The following RALGDS variants were observed in gnomAD, a reference collection of about 807,000 sequenced individuals.
The protein encoded by RALGDS is ral guanine nucleotide dissociation stimulator, also known as ral guanine nucleotide exchange factor.
In RALGDS, 44 loss-of-function variants were observed where a neutral mutation model predicts 99.8. The ratio of observed to expected loss-of-function variants is 0.44; its 90% CI spans 0.35 to 0.57. The LOEUF is 0.57. Among genes scored for constraint, RALGDS ranks in the 20% least tolerant of loss-of-function variants. The probability of loss-of-function intolerance (pLI) is 0.01; values close to 1 mark genes in which losing one functional copy is unlikely to be tolerated. For synonymous variants in RALGDS, 529 were observed against 505.0 expected (o/e 1.05, Z -0.64); for missense variants, 1,022 against 1,203.1 (o/e 0.85, Z 2.23).
chr9:133,111,407 A>T (rs1831336579), intron 2 of RALGDS, among the ~76,000 whole-genome samples: 1 of 152,108 alleles, frequency 6.6e-6, no homozygotes. Flanking sequence ...CAGCCTCCCA[A>T]GTAGTTGGGA....
At chr9:133,101,898 G>A (rs1271209633) in intron 15 of RALGDS, 40 bp downstream of exon 15, 1 of 1,550,964 alleles carries the variant, frequency 6.4e-7, no homozygotes, top group Non-Finnish European at 8.7e-7. Context: ...TTGGAGTGGG[G>A]AGATGGGAAA....
chr9:133,131,343 C>T (rs948136091), upstream of RALGDS, among the ~76,000 whole-genome samples: 4 of 151,950 alleles, frequency 2.6e-5, no homozygotes, highest in Admixed American at 2.6e-4. Flanking sequence ...TTCAGGGGGG[C>T]CCTGAAACCT....
intron 9 of RALGDS, 106 bp downstream of exon 9, chr9:133,105,825 GC>G: frequency 1.1e-5 from 1 of 87,590 alleles, no homozygotes. Context: ...CGCCGCCCCA[GC>G]CCCCGCCCCA....
chr9:133,121,299 AGGGTGGGGCCGGGGAG>A, upstream of RALGDS: 1 of 296,454 alleles, frequency 3.4e-6, no homozygotes, highest in Middle Eastern at 1.7e-3. Context: ...GGAGGGGAAG[AGGGTGGGGCCGGGGAG>A]GGGCGGAACC....
chr9:133,131,071 C>G, exon 1 of RALGDS: 1 of 1,504,872 alleles, frequency 6.6e-7, no homozygotes, highest in African/African-American at 1.4e-5. Flanking sequence ...GTGGAGTGCC[C>G]CCACAGGCAC....
chr9:133,130,811 A>T, intron 1 of RALGDS: 1 of 782,158 alleles, frequency 1.3e-6, no homozygotes, highest in Non-Finnish European at 2.0e-6. Context: ...TCACAGGAAA[A>T]GTGTCTGTCC....
At chr9:133,108,916 C>T (rs781067830) in intron 4 of RALGDS, 50 bp from the exon 5 acceptor site, 2 of 1,537,298 alleles carry the variant, frequency 1.3e-6, no homozygotes, top group South Asian at 1.1e-5. Context: ...CTCCCCTGAG[C>T]CAGGCTGGGC....
At chr9:133,121,374 G>T (rs921236424), upstream of RALGDS, 64 of 283,926 alleles carry the variant, frequency 2.3e-4, no homozygotes, top group African/African-American at 1.3e-3. Flanking sequence ...CCCCGCCCTC[G>T]CCGAGGTCAG....
chr9:133,106,109 A>G (rs1831039100), intron 8 of RALGDS, 93 bp from the exon 9 acceptor site: 1 of 981,436 alleles, frequency 1.0e-6, no homozygotes, highest in African/African-American at 1.6e-5. Flanking sequence ...GAAAGACCCC[A>G]GACTGCCTGA....
rs1432026984 is a variant in RALGDS, at chr9:133,109,626, TTTTTAAG to T, written c.577_583del (p.Leu193MetfsTer73). ...TCCTCTTGGCTCAAAGCTCACTCACTTTTTAAGTTGGTCCTGGGGTCCACCATCCTCG... is the reference window on the plus strand; with the variant it reads ...TCCTCTTGGCTCAAAGCTCACTCACTTTGGTCCTGGGGTCCACCATCCTCG... On this transcript the variant is annotated frameshift_variant and splice_region_variant, in exon 4 of 18. Coordinates refer to ENST00000372050, the MANE Select transcript of RALGDS (RefSeq NM_006266.4). LOFTEE classifies it high-confidence loss of function. 3.1e-6 allele frequency: 5 copies of T among 1,611,252 alleles called. No individual in the cohort carries two copies. The highest frequency in any genetic ancestry group is 2.5e-6 in the Non-Finnish European group (3 of 1,177,692).
Position 133,108,807 on chromosome 9 carries a change from G to A in RALGDS, c.644C>T (p.Pro215Leu), listed in dbSNP as rs769468048. 1.2e-6 allele frequency: 2 copies of A among 1,613,300 alleles called. No individual in the cohort carries two copies. Among genetic ancestry groups the A allele is most frequent in the African/African-American group, 1.3e-5 (1 of 74,926 alleles). Residue 215 changes from proline (P) to leucine (L), a missense_variant, in exon 5 of 18, where the codon CCT becomes CTT. Pro to Leu is a moderately conservative substitution (Grantham distance 98). This residue lies in a region of RALGDS where 825 missense variants were observed against 994.5 expected (regional missense o/e 0.83). Transcript: ENST00000372050. ...CTGCTTGAGGCAGGGAAAGTCCGGAGGTTGACAGAAATCCTCCGAGTACTG... is the reference window on the plus strand; with the variant it reads ...CTGCTTGAGGCAGGGAAAGTCCGGAAGTTGACAGAAATCCTCCGAGTACTG... ...LDQYSEDFCQ[P>L]PDFPCLKQLV...
chr9:133,098,473 C>A lies in RALGDS; in HGVS notation c.*114G>T. ...GCAGCGGGAGAGGTTCAGGATGAAA[C>A]TGGAGTCTGGGGTACCCTGGGCTGG... On this transcript the variant is annotated 3_prime_UTR_variant, in exon 18 of 18. Transcript: ENST00000372050. 8.9e-7 allele frequency: 1 copy of A among 1,126,462 alleles called. No homozygotes were observed. Among genetic ancestry groups the A allele is most frequent in the Non-Finnish European group, 1.3e-6 (1 of 765,958 alleles). The allele number at this position is 1,126,462 out of a possible 1,614,324, so 69.8% of individuals were successfully genotyped here.
chr9:133,133,608 T>C (rs1832380000), upstream of RALGDS, among the ~76,000 whole-genome samples: 1 of 152,142 alleles, frequency 6.6e-6, no homozygotes. Flanking sequence ...CCACCGCAAC[T>C]CTGGCTGCCT....
intron 1 of RALGDS, among the ~76,000 whole-genome samples, chr9:133,143,434 C>A (rs897727742): frequency 2.6e-5 from 4 of 152,132 alleles, no homozygotes; most frequent in Non-Finnish European, 4.4e-5. Context: ...GTGGGAGGGC[C>A]TTGTGCGGGT....
intron 9 of RALGDS, 65 bp from the exon 10 acceptor site, chr9:133,104,396 G>C: frequency 2.1e-6 from 3 of 1,440,294 alleles, no homozygotes; most frequent in Non-Finnish European, 2.9e-6. Context: ...CCCTGACCTG[G>C]GGTGCTGCCA....
intron 1 of RALGDS, among the ~76,000 whole-genome samples, chr9:133,117,961 C>A (rs909346540): frequency 5.9e-5 from 9 of 152,208 alleles, no homozygotes; most frequent in African/African-American, 2.2e-4. Flanking sequence ...AGAATCAGAC[C>A]CCAGCTCTGG....
rs1347890169 is a variant in RALGDS, at chr9:133,101,980, G to A, written c.2169C>T (p.Asn723=). 20 of 1,551,738 alleles carry A rather than the reference G, an allele frequency of 1.3e-5. No homozygotes were observed. The highest frequency in any genetic ancestry group is 1.7e-4 in the Middle Eastern group (1 of 6,018). ...CAGGAGACTCCGGGACGAAGCTGAT[G>A]TTGATCTCCTCCACGTCGGAGCTAG... is the stretch of plus-strand genomic sequence containing the variant. ...GSSSSDVEEI[N]ISFVPESPDG... The change falls in exon 15 of 18, where the codon AAC becomes AAT. Residue 723 remains asparagine, a synonymous_variant. Coordinates refer to ENST00000372050, the MANE Select transcript of RALGDS (RefSeq NM_006266.4).
At position 133,102,009 on chromosome 9, in the gene RALGDS, A is replaced by G; in HGVS notation, c.2140T>C (p.Ser714Pro). 1 of 1,552,590 alleles carries G rather than the reference A, an allele frequency of 6.4e-7. No homozygotes were observed. The highest frequency in any genetic ancestry group is 8.7e-7 in the Non-Finnish European group (1 of 1,147,630). ...ATCTCCTCCACGTCGGAGCTAGAGG[A>G]GCCGGCCGAGTGCACGCTGAGCGCG... The part of the protein sequence containing the change: ...ADALSVHSAG[S>P]SSSDVEEINI... The change falls in exon 15 of 18, where the codon TCC (serine) becomes CCC (proline). Residue 714 changes from serine to proline, a missense_variant. This residue lies in a region of RALGDS where 825 missense variants were observed against 994.5 expected (regional missense o/e 0.83). Coordinates refer to ENST00000372050, the MANE Select transcript of RALGDS (RefSeq NM_006266.4).
At chr9:133,107,917 T>G (rs534025663) in intron 6 of RALGDS, 71 bp downstream of exon 6, 1 of 1,567,312 alleles carries the variant, frequency 6.4e-7, no homozygotes, top group Non-Finnish European at 8.7e-7. Flanking sequence ...GATCAGCAAA[T>G]GGTAGGTCTG....
Sources: allele counts gnomAD v4.1 joint callset (sites outside exome capture counted in the v4.1 genomes callset), GRCh38; gene constraint gnomAD v4.1.1; regional missense constraint gnomAD v4.1.1; transcripts MANE v1.5; gene names NCBI Gene and HGNC (gene_info 2026-07-23, HGNC 2026-07-21).